Variants in PARP15 observed in about 807,000 individuals in gnomAD.
PARP15 encodes the protein poly(ADP-ribose) polymerase family member 15.
Under a neutral mutation model 62.1 loss-of-function variants are expected in PARP15, and 50 were observed. The ratio of observed to expected loss-of-function variants is 0.81; its 90% CI spans 0.64 to 1.02. The LOEUF is 1.02. PARP15 is among the 50% of genes least tolerant of loss of function. The pLI, the probability that PARP15 is intolerant of heterozygous loss-of-function variation, is 0.00. For missense variants in PARP15, 820 were observed against 826.5 expected (o/e 0.99, Z 0.10); for synonymous variants, 309 against 293.1 (o/e 1.05, Z -0.55).
intron 1 of PARP15, among the ~76,000 whole-genome samples, chr3:122,582,211 A>G (rs908578755): frequency 6.6e-6 from 1 of 150,972 alleles, no homozygotes; most frequent in Admixed American, 6.6e-5. Context: ...TCCCTCTGTC[A>G]TCCAGGCTGG....
rs1362993424 is a variant in PARP15, at chr3:122,627,014, C to T, written c.1419C>T (p.Ser473=). 1.2e-5 allele frequency: 20 copies of T among 1,611,942 alleles called. No individual in the cohort carries two copies. Among genetic ancestry groups the T allele is most frequent in the Non-Finnish European group, 1.7e-5 (20 of 1,178,608 alleles). ...TCTCTGCATCACTGAACTTTCAGTC[C>T]ACATTCTCCATGACTACATGTAAGA... is the stretch of plus-strand genomic sequence containing the variant. ...RDLSASLNFQ[S]TFSMTTCNLP... Residue 473 remains serine (S), a synonymous_variant, in exon 9 of 12, where the codon TCC becomes TCT. Transcript: ENST00000464300.
intron 2 of PARP15, among the ~76,000 whole-genome samples, chr3:122,606,401 C>T (rs1396674660): frequency 6.6e-6 from 1 of 152,212 alleles, no homozygotes; most frequent in African/African-American, 2.4e-5. Context: ...ATGTGTACAG[C>T]ACACTATAGA....
rs773286469 is a variant in PARP15 at position 122,610,651 on chromosome 3, G to A, written c.464G>A (p.Ser155Asn). 3 of 1,551,478 alleles carry A rather than the reference G, an allele frequency of 1.9e-6. No homozygotes were observed. In the South Asian group the frequency reaches 3.6e-5, roughly 18 times the overall value. The change falls in exon 3 of 12, where the codon AGC (serine) becomes AAC (asparagine). Residue 155 changes from serine to asparagine, a missense_variant. Ser to Asn is a conservative substitution (Grantham distance 46, BLOSUM62 1). Transcript: ENST00000464300. Reference protein sequence around the residue: ...EEKVGNIFMTSGCNLDCKAVL... With the variant: ...EEKVGNIFMTNGCNLDCKAVL... ...AAAGTAGGTAACATATTCATGACAA[G>A]CGGCTGCAATCTGGACTGCAAAGCT... is the stretch of plus-strand genomic sequence containing the variant.
At chr3:122,583,684 T>A (rs1933160984) in intron 1 of PARP15, among the ~76,000 whole-genome samples, 1 of 152,204 alleles carries the variant, frequency 6.6e-6, no homozygotes, top group Non-Finnish European at 1.5e-5. Context: ...CAGAGTGATC[T>A]TTAATCTATA....
At chr3:122,635,378 G>C (rs1937297232) in intron 11 of PARP15, among the ~76,000 whole-genome samples, 184 bp downstream of exon 11, 1 of 151,826 alleles carries the variant, frequency 6.6e-6, no homozygotes, top group Admixed American at 6.6e-5. Flanking sequence ...TTTTAGAAAT[G>C]ATGAAAAATA....
intron 1 of PARP15, among the ~76,000 whole-genome samples, chr3:122,602,025 T>C (rs1559946498): frequency 6.6e-6 from 1 of 152,220 alleles, no homozygotes; most frequent in Admixed American, 6.5e-5. Context: ...CGTTTTTATA[T>C]GACTTAGCTG....
At chr3:122,595,513 C>T (rs1406796690) in intron 1 of PARP15, among the ~76,000 whole-genome samples, 1 of 152,148 alleles carries the variant, frequency 6.6e-6, no homozygotes, top group Non-Finnish European at 1.5e-5. Flanking sequence ...TGCTAGGACA[C>T]CATACTTTTC....
intron 3 of PARP15, among the ~76,000 whole-genome samples, chr3:122,612,496 G>T (rs1177102665): frequency 1.3e-5 from 2 of 151,802 alleles, no homozygotes; most frequent in Non-Finnish European, 2.9e-5. Context: ...GAGTACAGTG[G>T]CGCAATCTTG....
chr3:122,598,801 C>T (rs75636264), intron 1 of PARP15, among the ~76,000 whole-genome samples: 119 of 152,314 alleles, frequency 7.8e-4, no homozygotes, highest in African/African-American at 2.8e-3. Context: ...CCCTTCACCA[C>T]CCTCTACTTC....
chr3:122,580,021 A>G (rs879499500), intron 1 of PARP15, among the ~76,000 whole-genome samples: 6 of 131,424 alleles, frequency 4.6e-5, no homozygotes, highest in Non-Finnish European at 6.7e-5. Context: ...ATATATATAT[A>G]TATATATATA....
At chr3:122,611,139 G>A (rs115161701) in intron 3 of PARP15, among the ~76,000 whole-genome samples, 2,343 of 152,160 alleles carry the variant, frequency 0.015, 60 homozygotes, top group African/African-American at 0.051. Flanking sequence ...AAAGAGGTGC[G>A]CCCAGCACTG....
rs768885957 is a variant in PARP15, at chr3:122,610,196, G to A, written c.307-298G>A. On this transcript the variant is annotated intron_variant, in intron 2 of 11. Coordinates refer to ENST00000464300, the MANE Select transcript of PARP15 (RefSeq NM_001113523.3). ...TCTCCATTTCTCTCTCTCAGTCTTC[G>A]TCTCTGACTCTCTGCCTCTGGTCTC... Among the ~76,000 whole-genome samples, 8 of 151,054 alleles carry A rather than the reference G, an allele frequency of 5.3e-5. No homozygotes were observed. The South Asian group carries it at 1.3e-3, about 24-fold the overall frequency.
chr3:122,622,042 G>A (rs974782146), intron 8 of PARP15, among the ~76,000 whole-genome samples: 4 of 152,062 alleles, frequency 2.6e-5, no homozygotes, highest in African/African-American at 9.7e-5. Context: ...CAAGCAATCC[G>A]CCTGCCTCAG....
intron 11 of PARP15, 41 bp from the exon 12 acceptor site, chr3:122,635,770 A>C (rs1226451717): frequency 6.3e-7 from 1 of 1,576,268 alleles, no homozygotes; most frequent in South Asian, 1.2e-5. Flanking sequence ...ACATTGTGTA[A>C]TTTTATATTC....
At chr3:122,631,600 C>T (rs1171968769) in intron 9 of PARP15, among the ~76,000 whole-genome samples, 1 of 152,194 alleles carries the variant, frequency 6.6e-6, no homozygotes, top group Non-Finnish European at 1.5e-5. Flanking sequence ...TCTCTCAGCA[C>T]ATCTGCTATT....
chr3:122,577,937 C>T, intron 1 of PARP15, 84 bp downstream of exon 1: 4 of 1,386,546 alleles, frequency 2.9e-6, no homozygotes, highest in Non-Finnish European at 3.8e-6. Context: ...CGAGCGGGCG[C>T]AGAGACCCCA....
intron 2 of PARP15, among the ~76,000 whole-genome samples, chr3:122,608,801 C>G (rs1338214620): frequency 6.7e-6 from 1 of 148,510 alleles, no homozygotes; most frequent in Non-Finnish European, 1.5e-5. Flanking sequence ...AGCGTCTTGC[C>G]TTGTCACCTA....
rs1387340072 is a variant in PARP15 at position 122,626,172 on chromosome 3, AT to A, written c.1232-653del. Among the ~76,000 whole-genome samples, 3 of 146,994 alleles carry A rather than the reference AT, an allele frequency of 2.0e-5. No homozygotes were observed. In the East Asian group the frequency reaches 6.2e-4, roughly 31 times the overall value. ...AGGATGCATTCTGGCTAAATGTATG[AT>A]TGGTAATGCAGCAGCTGTCACTCTT... On this transcript the variant is annotated intron_variant, in intron 8 of 11. Transcript: ENST00000464300.
chr3:122,600,257 A>T (rs1352692075), intron 1 of PARP15, among the ~76,000 whole-genome samples: 1 of 152,086 alleles, frequency 6.6e-6, no homozygotes, highest in Non-Finnish European at 1.5e-5. Context: ...AAAATATGGG[A>T]GAAAAAAGGC....
Sources: gnomAD v4.1 joint callset for allele counts (sites outside exome capture counted in the v4.1 genomes callset) on GRCh38, gnomAD v4.1.1 for gene constraint, MANE v1.5 for transcripts, NCBI Gene and HGNC (gene_info 2026-07-23, HGNC 2026-07-21) for gene names.